ZNF827: variants seen among roughly 807,000 people sequenced by gnomAD.
ZNF827 encodes the protein zinc finger protein 827.
ZNF827 carries 13 observed loss-of-function variants against 102.4 expected under a neutral mutation model. The observed-to-expected ratio is 0.13, with a 90% CI of 0.08 to 0.20. The LOEUF is 0.20. Among genes scored for constraint, ZNF827 ranks in the 10% least tolerant of loss-of-function variants. The pLI is 1.00. For missense variants in ZNF827, 1,103 were observed against 1,344.4 expected (o/e 0.82, Z 2.81); for synonymous variants, 523 against 536.2 (o/e 0.98, Z 0.34).
intron 4 of ZNF827, among the ~76,000 whole-genome samples, chr4:145,879,223 A>G (rs1384667128): frequency 6.6e-6 from 1 of 152,202 alleles, no homozygotes; most frequent in Non-Finnish European, 1.5e-5. Flanking sequence ...GAAACCTTTA[A>G]GTCTCGGCCT....
chr4:145,937,876 C>T (rs1256037372), intron 1 of ZNF827, among the ~76,000 whole-genome samples: 1 of 151,062 alleles, frequency 6.6e-6, no homozygotes, highest in Non-Finnish European at 1.5e-5. Context: ...CCCCAAACGC[C>T]ATGTCACGGC....
chr4:145,927,731 A>G (rs973591204), intron 1 of ZNF827, among the ~76,000 whole-genome samples: 2 of 152,194 alleles, frequency 1.3e-5, no homozygotes, highest in Admixed American at 1.3e-4. Flanking sequence ...TAGTGCTGAC[A>G]CTGGTGACTA....
At chr4:145,880,807 C>T (rs1749595414) in intron 4 of ZNF827, among the ~76,000 whole-genome samples, 1 of 152,214 alleles carries the variant, frequency 6.6e-6, no homozygotes, top group Admixed American at 6.5e-5. Context: ...CGAAAATCAC[C>T]TGACTGGAGA....
At chr4:145,772,660 C>T (rs1434790850) in intron 11 of ZNF827, among the ~76,000 whole-genome samples, 1 of 152,164 alleles carries the variant, frequency 6.6e-6, no homozygotes, top group Non-Finnish European at 1.5e-5. Flanking sequence ...TTACTATTTG[C>T]CCCTTTGAAA....
At chr4:145,847,070 C>T (rs138035677) in intron 6 of ZNF827, among the ~76,000 whole-genome samples, 212 of 152,162 alleles carry the variant, frequency 1.4e-3, no homozygotes, top group African/African-American at 4.9e-3. Flanking sequence ...AGGAGAATTG[C>T]TTGAACCTAG....
rs376471665 is a variant in ZNF827, at chr4:145,880,869, C to T, written c.1747+4809G>A. Among the ~76,000 whole-genome samples the T allele has an allele frequency of 3.3e-5, 5 of 152,152 alleles. No individual in the cohort carries two copies. In the South Asian group the frequency reaches 6.2e-4, roughly 19 times the overall value. Reference sequence around the variant, plus strand: ...AGAGCCCCCTGGCTGTTGGCACTGCCGTCGTAGGGTGTGAATAACACAAGG... The same window carrying T: ...AGAGCCCCCTGGCTGTTGGCACTGCTGTCGTAGGGTGTGAATAACACAAGG... On this transcript the variant is annotated intron_variant, in intron 4 of 14. Coordinates refer to ENST00000508784, the MANE Select transcript of ZNF827 (RefSeq NM_001306215.2).
intron 8 of ZNF827, among the ~76,000 whole-genome samples, chr4:145,811,915 C>T (rs532365265): frequency 0.04 from 6,142 of 152,050 alleles, 184 homozygotes; most frequent in Admixed American, 0.076. Context: ...TGAACTAACT[C>T]CAAGCTTTTT....
chr4:145,937,600 C>A (rs1754300115), intron 1 of ZNF827, among the ~76,000 whole-genome samples: 1 of 143,904 alleles, frequency 6.9e-6, no homozygotes, highest in Admixed American at 6.8e-5. Flanking sequence ...CTCGGCGCCG[C>A]GGGAGCAGCC....
At chr4:145,875,902 A>T (rs1380670209) in intron 4 of ZNF827, among the ~76,000 whole-genome samples, 1 of 152,226 alleles carries the variant, frequency 6.6e-6, no homozygotes, top group East Asian at 1.9e-4. Flanking sequence ...TTAAGTTTTT[A>T]AAAAATCATT....
At chr4:145,906,979 C>A in intron 1 of ZNF827, 1 of 436,284 alleles carries the variant, frequency 2.3e-6, no homozygotes, top group East Asian at 7.0e-5. Context: ...AATAAGTTAC[C>A]ATATAATTTT....
chr4:145,872,421 TCA>T (rs1748776770), intron 4 of ZNF827, among the ~76,000 whole-genome samples: 1 of 152,096 alleles, frequency 6.6e-6, no homozygotes, highest in Non-Finnish European at 1.5e-5. Flanking sequence ...GAGAGAGGCC[TCA>T]GGAGAAACCA....
At position 145,903,109 on chromosome 4, in the gene ZNF827, C is replaced by T. The variant is rs761269857; in HGVS notation, c.150G>A (p.Glu50=). The T allele has an allele frequency of 1.5e-5, 24 of 1,614,210 alleles. No homozygotes were observed. The highest frequency in any genetic ancestry group is 1.9e-5 in the Non-Finnish European group (23 of 1,180,036). ...GGTCCTCCAGAGACAACTTATAGTTCTCCTGGACTTCCCCATAGGATGCTT... is the reference window on the plus strand; with the variant it reads ...GGTCCTCCAGAGACAACTTATAGTTTTCCTGGACTTCCCCATAGGATGCTT... ...PSEASYGEVQ[E]NYKLSLEDRI... is the part of the protein sequence containing the mutation. Residue 50 remains glutamate, a synonymous_variant, in exon 2 of 15, where the codon GAG becomes GAA. Transcript: ENST00000508784.
intron 5 of ZNF827, among the ~76,000 whole-genome samples, chr4:145,859,398 C>A (rs1043235739): frequency 2.1e-4 from 32 of 152,114 alleles, no homozygotes; most frequent in African/African-American, 7.7e-4. Context: ...TTTAAACCCC[C>A]AAGAAATCTT....
intron 7 of ZNF827, among the ~76,000 whole-genome samples, 164 bp downstream of exon 7, chr4:145,845,792 T>C (rs1207365447): frequency 6.6e-6 from 1 of 152,258 alleles, no homozygotes; most frequent in Non-Finnish European, 1.5e-5. Flanking sequence ...TTTACGTCTG[T>C]ATTGTTTCTA....
At chr4:145,855,065 C>T (rs1005049162) in intron 5 of ZNF827, among the ~76,000 whole-genome samples, 1 of 152,132 alleles carries the variant, frequency 6.6e-6, no homozygotes, top group African/African-American at 2.4e-5. Context: ...GTAATGTTAT[C>T]CTCCCTTCCT....
At chr4:145,931,215 T>C (rs1753779834) in intron 1 of ZNF827, among the ~76,000 whole-genome samples, 1 of 152,196 alleles carries the variant, frequency 6.6e-6, no homozygotes, top group Non-Finnish European at 1.5e-5. Context: ...TATTCTCTTA[T>C]AAAATATGAT....
chr4:145,897,884 G>A lies in ZNF827; in HGVS notation c.1093+4282C>T, dbSNP rs527896352. ...TTATTGAGACTTATGGCCGGGTCCT[G>A]TGCTTCATGCCTGTAATCCCAGCAC... On this transcript the variant is annotated intron_variant, in intron 2 of 14. Coordinates refer to ENST00000508784, the MANE Select transcript of ZNF827 (RefSeq NM_001306215.2). Among the ~76,000 whole-genome samples, 4 of 152,338 alleles carry A rather than the reference G, an allele frequency of 2.6e-5. No individual in the cohort carries two copies. In the South Asian group the frequency reaches 8.3e-4, roughly 32 times the overall value.
At chr4:145,871,163 T>G (rs1423738479) in intron 4 of ZNF827, among the ~76,000 whole-genome samples, 1 of 152,168 alleles carries the variant, frequency 6.6e-6, no homozygotes, top group Non-Finnish European at 1.5e-5. Context: ...ACAGAGAAGT[T>G]GCAAAGATGG....
chr4:145,779,027 C>A (rs766782745), intron 9 of ZNF827, among the ~76,000 whole-genome samples: 15 of 152,134 alleles, frequency 9.9e-5, no homozygotes, highest in Non-Finnish European at 1.9e-4. Flanking sequence ...CTGCTCCCAC[C>A]CACAACAATA....
Sources: gnomAD v4.1 joint callset for allele counts (sites outside exome capture counted in the v4.1 genomes callset) on GRCh38, gnomAD v4.1.1 for gene constraint, MANE v1.5 for transcripts, NCBI Gene and HGNC (gene_info 2026-07-23, HGNC 2026-07-21) for gene names.